Variants in TCF20 observed in about 807,000 individuals in gnomAD.
TCF20 encodes the protein transcription factor 20, also known as SPRE-binding protein.
A neutral mutation model predicts 148.6 loss-of-function variants in TCF20; 3 were observed. The ratio of observed to expected loss-of-function variants is 0.02; its 90% CI spans 0.01 to 0.05. The LOEUF (loss-of-function observed/expected upper bound fraction) is 0.05. Ranked by LOEUF, TCF20 falls within the 10% of genes least tolerant of loss-of-function variation. TCF20 has a pLI of 1.00. For synonymous variants in TCF20, 1,049 were observed against 909.5 expected (o/e 1.15, Z -2.76); for missense variants, 2,350 against 2,429.3 (o/e 0.97, Z 0.69).
chr22:42,320,194 T>C (rs1569208710), intron 1 of TCF20, among the ~76,000 whole-genome samples: 1 of 152,206 alleles, frequency 6.6e-6, no homozygotes. Flanking sequence ...TTCTCAAACT[T>C]ACCAGCCTCC....
At chr22:42,332,281 G>A (rs1248690386) in intron 1 of TCF20, among the ~76,000 whole-genome samples, 1 of 152,178 alleles carries the variant, frequency 6.6e-6, no homozygotes, top group Non-Finnish European at 1.5e-5. Context: ...AACAGCAAGT[G>A]CAAAGGCCCT....
At chr22:42,260,507 TTGAGA>T (rs1925971888) in intron 1 of TCF20, among the ~76,000 whole-genome samples, 1 of 152,180 alleles carries the variant, frequency 6.6e-6, no homozygotes, top group South Asian at 2.1e-4. Flanking sequence ...GGTATGGTTC[TTGAGA>T]TGAGAGGGAA....
chr22:42,206,642 G>C (rs11913630), intron 2 of TCF20, among the ~76,000 whole-genome samples: 3,231 of 152,138 alleles, frequency 0.021, 128 homozygotes, highest in African/African-American at 0.074. Context: ...CTCAAACTTG[G>C]AGTTTCACCG....
intron 1 of TCF20, among the ~76,000 whole-genome samples, chr22:42,267,564 G>T (rs1007118210): frequency 6.6e-6 from 1 of 152,028 alleles, no homozygotes; most frequent in Non-Finnish European, 1.5e-5. Context: ...AGCTGGGCGT[G>T]GTGGTGCGCA....
intron 5 of TCF20, among the ~76,000 whole-genome samples, chr22:42,166,356 C>T (rs1177235006): frequency 6.6e-6 from 1 of 152,186 alleles, no homozygotes; most frequent in African/African-American, 2.4e-5. Flanking sequence ...GCCTGTAATC[C>T]CGGCACTTTG....
chr22:42,321,002 A>G (rs999979009), intron 1 of TCF20, among the ~76,000 whole-genome samples: 2 of 152,240 alleles, frequency 1.3e-5, no homozygotes, highest in African/African-American at 4.8e-5. Flanking sequence ...AGGAAACTGC[A>G]AAAAATGAGT....
intron 3 of TCF20, among the ~76,000 whole-genome samples, chr22:42,170,949 G>GA (rs2147062546): frequency 6.6e-6 from 1 of 152,270 alleles, no homozygotes; most frequent in South Asian, 2.1e-4. Context: ...ACGACCCACG[G>GA]AGACACAGAA....
In TCF20 at chr22:42,209,984, C is replaced by T. The variant is rs1473997920; in HGVS notation, c.5322G>A (p.Gln1774=). Residue 1774 remains glutamine (Q), a synonymous_variant, in exon 2 of 6, where the codon CAG becomes CAA. Transcript: ENST00000677622. ...TEEEEEQQQQ[Q]KEQRSLAAHP... The stretch of plus-strand genomic sequence containing the variant: ...GTGCGGCCAGGCTTCTCTGCTCCTT[C>T]TGCTGCTGCTGCTGCTCTTCCTCCT... The T allele has an allele frequency of 5.0e-6, 8 of 1,611,458 alleles. No homozygotes were observed. The highest frequency in any genetic ancestry group is 6.8e-6 in the Non-Finnish European group (8 of 1,179,646).
At chr22:42,186,263 G>GC (rs1329068672) in intron 2 of TCF20, among the ~76,000 whole-genome samples, 1 of 152,196 alleles carries the variant, frequency 6.6e-6, no homozygotes, top group African/African-American at 2.4e-5. Flanking sequence ...GAGGGTGTCA[G>GC]CACACGTGTG....
chr22:42,307,709 G>A (rs535958019), intron 1 of TCF20, among the ~76,000 whole-genome samples: 4 of 152,318 alleles, frequency 2.6e-5, no homozygotes, highest in East Asian at 1.9e-4. Flanking sequence ...CCATCGCAGC[G>A]GAAGACGAGG....
chr22:42,214,031 C>T lies in TCF20; in HGVS notation c.1275G>A (p.Met425Ile). ...MPQLSPTPSM[M>I]PSPNSHAAGF... The stretch of plus-strand genomic sequence containing the variant: ...CTGCAGCATGAGAATTAGGACTGGG[C>T]ATCATTGATGGGGTTGGACTGAGTT... Residue 425 changes from methionine to isoleucine, a missense_variant, in exon 2 of 6, where the codon ATG becomes ATA. By Grantham distance (10) the Met-to-Ile change is conservative (BLOSUM62 1). This residue lies in a region of TCF20 where 1,641 missense variants were observed against 1,662.6 expected (regional missense o/e 0.99). Coordinates refer to ENST00000677622, the MANE Select transcript of TCF20 (RefSeq NM_001378418.1). 3.1e-6 allele frequency: 5 copies of T among 1,614,204 alleles called. No homozygotes were observed. The highest frequency in any genetic ancestry group is 4.2e-6 in the Non-Finnish European group (5 of 1,180,050).
intron 1 of TCF20, among the ~76,000 whole-genome samples, chr22:42,324,493 GAAAATAATCTCCACCATCCGAT>G (rs1391428316): frequency 8.6e-5 from 13 of 151,532 alleles, no homozygotes; most frequent in Non-Finnish European, 1.6e-4. Flanking sequence ...CACCATCTGA[GAAAATAATCTCCACCATCCGAT>G]AAAATAATCT....
At chr22:42,305,883 C>G (rs1194352844) in intron 1 of TCF20, among the ~76,000 whole-genome samples, 1 of 152,146 alleles carries the variant, frequency 6.6e-6, no homozygotes, top group African/African-American at 2.4e-5. Flanking sequence ...CAGGAAAAGC[C>G]CCTCAGGAGG....
rs1296790643 is a variant in TCF20 at position 42,269,010 on chromosome 22, T to C, written c.-37+1329A>G. Among the ~76,000 whole-genome samples the C allele has an allele frequency of 3.8e-4, 58 of 151,640 alleles. 1 individual carries two copies. The highest frequency in any genetic ancestry group is 3.8e-3 in the Admixed American group (58 of 15,220). ...ACCCCTGTACCGTCTGACCCGGGAG[T>C]CCTCACTTAACAGATGAGAAAATTA... On this transcript the variant is annotated intron_variant, in intron 1 of 5. Coordinates refer to ENST00000677622, the MANE Select transcript of TCF20 (RefSeq NM_001378418.1).
At chr22:42,285,430 C>T (rs1001148662), upstream of TCF20, among the ~76,000 whole-genome samples, 3 of 151,986 alleles carry the variant, frequency 2.0e-5, no homozygotes, top group South Asian at 6.2e-4. This position sits in a 1 kb window ranked among gnomAD's most constrained non-coding sequence, Gnocchi z 4.2. Context: ...CTTGGGACCC[C>T]CTCCGAGCAG....
At chr22:42,329,686 C>G (rs1397820040) in intron 1 of TCF20, among the ~76,000 whole-genome samples, 2 of 152,164 alleles carry the variant, frequency 1.3e-5, no homozygotes, top group African/African-American at 4.8e-5. Flanking sequence ...GAGAGGGTGG[C>G]CTAGCCACAG....
intron 5 of TCF20, among the ~76,000 whole-genome samples, chr22:42,165,776 G>C (rs992197434): frequency 6.6e-6 from 1 of 152,216 alleles, no homozygotes; most frequent in Non-Finnish European, 1.5e-5. Flanking sequence ...GGCACTTAGA[G>C]ACATTTCCCA....
chr22:42,210,764 C>T lies in TCF20; in HGVS notation c.4542G>A (p.Lys1514=), dbSNP rs758019989. The change falls in exon 2 of 6, where the codon AAG becomes AAA. Residue 1514 remains lysine, a synonymous_variant. Transcript: ENST00000677622. The surrounding 1 kb of genome is among the most constrained non-coding windows in gnomAD (Gnocchi z 4.7). ...GTGAAATCGTCACTGTATCGTTCTC[C>T]TTCTCTTCAGCCTTGGGGTTTGCCT... ...APEANPKAEE[K]ENDTVTISPK... 2 of 1,614,074 alleles carry T rather than the reference C, an allele frequency of 1.2e-6. No individual in the cohort carries two copies. Among genetic ancestry groups the T allele is most frequent in the Non-Finnish European group, 1.7e-6 (2 of 1,179,908 alleles).
chr22:42,311,051 G>C (rs1358441473), intron 1 of TCF20, among the ~76,000 whole-genome samples: 1 of 152,218 alleles, frequency 6.6e-6, no homozygotes, highest in Non-Finnish European at 1.5e-5. Context: ...GGCTGGCCCG[G>C]TGGCATCCAG....
Sources: gnomAD v4.1 joint callset for allele counts (sites outside exome capture counted in the v4.1 genomes callset) on GRCh38, gnomAD v4.1.1 for gene constraint, gnomAD v4.1.1 regional missense constraint, Gnocchi (gnomAD v3.1) non-coding constraint, MANE v1.5 for transcripts, NCBI Gene and HGNC (gene_info 2026-07-23, HGNC 2026-07-21) for gene names.